Variants in SEPTIN5 observed in about 807,000 individuals in gnomAD.
The protein encoded by SEPTIN5 is septin-5.
In SEPTIN5, 16 loss-of-function variants were observed where a neutral mutation model predicts 51.2. The observed-to-expected ratio is 0.31, with a 90% confidence interval of 0.21 to 0.47. The LOEUF is 0.47. SEPTIN5 is among the 20% of genes least tolerant of loss of function. The pLI, the probability that SEPTIN5 is intolerant of heterozygous loss-of-function variation, is 0.99. For missense variants in SEPTIN5, 376 were observed against 500.3 expected (o/e 0.75, Z 2.37); for synonymous variants, 208 against 191.2 (o/e 1.09, Z -0.72).
Position 19,722,770 on chromosome 22 carries a change from CAA to C in SEPTIN5, c.*288_*289del. The stretch of plus-strand genomic sequence containing the variant: ...CCCGCCCCCGGACGGTCACAGCACC[CAA>C]ACCGCAGGCCCTGCTCTGGCAGGCA... On this transcript the variant is annotated 3_prime_UTR_variant, in exon 12 of 12. Coordinates refer to ENST00000455784, the MANE Select transcript of SEPTIN5 (RefSeq NM_002688.6). The C allele has an allele frequency of 1.9e-6, 1 of 537,932 alleles. No individual in the cohort carries two copies. The highest frequency in any genetic ancestry group is 3.4e-6 in the Non-Finnish European group (1 of 297,764). The allele number at this position is 537,932 out of a possible 1,614,324, so 33.3% of individuals were successfully genotyped here.
intron 10 of SEPTIN5, 44 bp downstream of exon 10, chr22:19,722,001 G>C: frequency 6.3e-7 from 1 of 1,575,762 alleles, no homozygotes; most frequent in Non-Finnish European, 8.6e-7. Flanking sequence ...CTCTGGCCCC[G>C]CCCACGTCTC....
chr22:19,717,919 A>AAC (rs112699881), intron 2 of SEPTIN5: 2,299 of 155,042 alleles, frequency 0.015, 44 homozygotes, highest in African/African-American at 0.053. Flanking sequence ...CGCACACACA[A>AAC]ACGCGCGCAC....
At position 19,720,372 on chromosome 22, in the gene SEPTIN5, G is replaced by A. The variant is rs529415900; in HGVS notation, c.415G>A (p.Asp139Asn). ...CCAGCAGTTTGAGCAGTACTTCCGTGATGAGAGCGGCCTCAACCGAAAGAA... is the reference window on the plus strand; with the variant it reads ...CCAGCAGTTTGAGCAGTACTTCCGTAATGAGAGCGGCCTCAACCGAAAGAA... ...VDQQFEQYFR[D>N]ESGLNRKNIQ... Residue 139 changes from aspartate to asparagine, a missense_variant, in exon 6 of 12, where the codon GAT becomes AAT. Transcript: ENST00000455784. 1 of 1,614,010 alleles carries A rather than the reference G, an allele frequency of 6.2e-7. No individual in the cohort carries two copies. Among genetic ancestry groups the A allele is most frequent in the East Asian group, 2.2e-5 (1 of 44,888 alleles).
At position 19,714,940 on chromosome 22, in the gene SEPTIN5, C is replaced by A; in HGVS notation, c.54+149C>A. ...TCACCGATTGTCAGCCGGGCAGTGC[C>A]GCCGCGCCTGGGGCTTCAGAGGAGA... On this transcript the variant is annotated intron_variant, in intron 2 of 11. Coordinates refer to ENST00000455784, the MANE Select transcript of SEPTIN5 (RefSeq NM_002688.6). This position sits in a 1 kb window ranked among gnomAD's most constrained non-coding sequence, Gnocchi z 5.2. 4 of 1,083,980 alleles carry A rather than the reference C, an allele frequency of 3.7e-6. No individual in the cohort carries two copies. The highest frequency in any genetic ancestry group is 5.1e-6 in the Non-Finnish European group (4 of 781,672). 67.1% of individuals were successfully genotyped at this position (1,083,980 alleles called of 1,614,324 possible).
At chr22:19,716,952 G>C (rs1935919307) in intron 2 of SEPTIN5, among the ~76,000 whole-genome samples, 1 of 152,196 alleles carries the variant, frequency 6.6e-6, no homozygotes, top group Admixed American at 6.5e-5. Context: ...ATGGAAGGCT[G>C]GGGCCAGTGA....
At chr22:19,721,526 G>A in intron 8 of SEPTIN5, 114 bp from the exon 9 acceptor site, 1 of 1,134,250 alleles carries the variant, frequency 8.8e-7, no homozygotes, top group South Asian at 1.4e-5. Context: ...TCTTTGAGGA[G>A]AGATAGTTGA....
At position 19,722,474 on chromosome 22, in the gene SEPTIN5, A is replaced by C; in HGVS notation, c.1100A>C (p.Gln367Pro). Reference protein sequence around the residue: ...EMLQRMKQQMQDQ With the variant: ...EMLQRMKQQMPDQ ...CTGCAGAGGATGAAGCAGCAGATGC[A>C]GGACCAGTGACGCTCGCCGCGGACA... The change falls in exon 12 of 12, where the codon CAG becomes CCG. Residue 367 changes from glutamine (Q) to proline (P), a missense_variant. Coordinates refer to ENST00000455784, the MANE Select transcript of SEPTIN5 (RefSeq NM_002688.6). The C allele has an allele frequency of 6.3e-7, 1 of 1,598,134 alleles. No homozygotes were observed. The highest frequency in any genetic ancestry group is 8.5e-7 in the Non-Finnish European group (1 of 1,172,704).
Position 19,719,210 on chromosome 22 carries a change from G to A in SEPTIN5, c.55-392G>A, listed in dbSNP as rs371154849. Among the ~76,000 whole-genome samples, 9 of 152,318 alleles carry A rather than the reference G, an allele frequency of 5.9e-5. No individual in the cohort carries two copies. In the East Asian group the frequency reaches 9.7e-4, roughly 16 times the overall value. On this transcript the variant is annotated intron_variant, in intron 2 of 11. Transcript: ENST00000455784. ...CTCCCGCCCCCTGGCACTCTCCGGAGGGGTGAGTGTCGAGGCCCCCAGCTT... is the reference window on the plus strand; with the variant it reads ...CTCCCGCCCCCTGGCACTCTCCGGAAGGGTGAGTGTCGAGGCCCCCAGCTT...
Position 19,714,513 on chromosome 22 carries a change from C to A in SEPTIN5, c.-76C>A. 1.8e-5 allele frequency: 19 copies of A among 1,059,126 alleles called. No individual in the cohort carries two copies. Among genetic ancestry groups the A allele is most frequent in the Non-Finnish European group, 2.1e-5 (18 of 839,290 alleles). The allele number at this position is 1,059,126 out of a possible 1,614,324, so 65.6% of individuals were successfully genotyped here. On this transcript the variant is annotated 5_prime_UTR_variant, in exon 1 of 12. Coordinates refer to ENST00000455784, the MANE Select transcript of SEPTIN5 (RefSeq NM_002688.6). This position sits in a 1 kb window ranked among gnomAD's most constrained non-coding sequence, Gnocchi z 5.2. Reference sequence around the variant, plus strand: ...GCGGAGGGGCCGCTCACCCCGCAGCCCGGCCTCGGCCTCCGCCGCTTGTCG... The same window carrying A: ...GCGGAGGGGCCGCTCACCCCGCAGCACGGCCTCGGCCTCCGCCGCTTGTCG...
In SEPTIN5 at chr22:19,720,133, T is replaced by C; in HGVS notation, c.257T>C (p.Val86Ala). The C allele has an allele frequency of 6.2e-7, 1 of 1,613,108 alleles. No individual in the cohort carries two copies. Among genetic ancestry groups the C allele is most frequent in the Non-Finnish European group, 8.5e-7 (1 of 1,179,972 alleles). ...LSAEERISQT[V>A]EILKHTVDIE... is the part of the protein sequence containing the mutation. ...CCCGTAGAGCGCATCAGCCAGACGG[T>C]AGAGATTCTAAAACACACGGTGGAC... is the stretch of plus-strand genomic sequence containing the variant. The change falls in exon 5 of 12, where the codon GTA becomes GCA. Residue 86 changes from valine (V) to alanine (A), a missense_variant. Physicochemically the swap from Val to Ala is moderately conservative, Grantham distance 64. This residue lies in a region of SEPTIN5 where 287 missense variants were observed against 417.1 expected (regional missense o/e 0.69). Coordinates refer to ENST00000455784, the MANE Select transcript of SEPTIN5 (RefSeq NM_002688.6).
At chr22:19,721,479 A>G (rs1411721051) in intron 8 of SEPTIN5, among the ~76,000 whole-genome samples, 161 bp from the exon 9 acceptor site, 1 of 152,164 alleles carries the variant, frequency 6.6e-6, no homozygotes, top group East Asian at 1.9e-4. Flanking sequence ...GGCTCCAGCC[A>G]GGGGCAGAGA....
intron 3 of SEPTIN5, 36 bp downstream of exon 3, chr22:19,719,734 G>A (rs756226895): frequency 2.5e-6 from 4 of 1,610,756 alleles, no homozygotes; most frequent in Non-Finnish European, 3.4e-6. Context: ...AGTGGCTGGG[G>A]TCACTGGCCA....
chr22:19,720,956 T>C, intron 8 of SEPTIN5, 87 bp downstream of exon 8: 1 of 1,218,404 alleles, frequency 8.2e-7, no homozygotes, highest in Non-Finnish European at 1.2e-6. Flanking sequence ...TTGAGCCTGC[T>C]GGAGGAGGGC....
intron 10 of SEPTIN5, 42 bp from the exon 11 acceptor site, chr22:19,722,195 C>A (rs770035533): frequency 7.1e-7 from 1 of 1,402,840 alleles, no homozygotes; most frequent in Admixed American, 2.2e-5. Flanking sequence ...CTGAGCCTCC[C>A]GGTGGCGCCG....
rs1376017399 is a variant in SEPTIN5 at position 19,720,117 on chromosome 22, C to T, written c.241C>T (p.Arg81Cys). ...KDRKLLSAEE[R>C]ISQTVEILKH... Reference sequence around the variant, plus strand: ...TTCCAGTGGCCCCTTCCCCGTAGAGCGCATCAGCCAGACGGTAGAGATTCT... The same window carrying T: ...TTCCAGTGGCCCCTTCCCCGTAGAGTGCATCAGCCAGACGGTAGAGATTCT... The change falls in exon 5 of 12, where the codon CGC becomes TGC. Residue 81 changes from arginine (R) to cysteine (C), a missense_variant and splice_region_variant. Transcript: ENST00000455784. The T allele has an allele frequency of 6.2e-6, 10 of 1,613,034 alleles. No homozygotes were observed. In the East Asian group the frequency reaches 6.7e-5, roughly 11 times the overall value.
rs1450968988 is a variant in SEPTIN5, at chr22:19,721,720, C to T, written c.798C>T (p.Pro266=). Residue 266 remains proline, a synonymous_variant, in exon 9 of 12, where the codon CCC becomes CCT. Transcript: ENST00000455784. The stretch of plus-strand genomic sequence containing the variant: ...AGCGGGTCCGGGGCCGACTGTACCC[C>T]TGGGGGATCGTGGAGGGTGAGTAGA... ...KGQRVRGRLY[P]WGIVEVENQA... 3.1e-6 allele frequency: 5 copies of T among 1,610,194 alleles called. No individual in the cohort carries two copies. The highest frequency in any genetic ancestry group is 4.2e-6 in the Non-Finnish European group (5 of 1,178,132).
In SEPTIN5 at chr22:19,714,503, A is replaced by C; in HGVS notation, c.-86A>C. ...CGGCGGCGGCGCGGAGGGGCCGCTC[A>C]CCCCGCAGCCCGGCCTCGGCCTCCG... On this transcript the variant is annotated 5_prime_UTR_variant, in exon 1 of 12. Coordinates refer to ENST00000455784, the MANE Select transcript of SEPTIN5 (RefSeq NM_002688.6). The surrounding 1 kb of genome is among the most constrained non-coding windows in gnomAD (Gnocchi z 5.2). 1 of 867,344 alleles carries C rather than the reference A, an allele frequency of 1.2e-6. No homozygotes were observed. Among genetic ancestry groups the C allele is most frequent in the Non-Finnish European group, 1.5e-6 (1 of 689,074 alleles). 53.7% of individuals were successfully genotyped at this position (867,344 alleles called of 1,614,324 possible).
chr22:19,720,977 C>T, intron 8 of SEPTIN5, 108 bp downstream of exon 8: 1 of 912,668 alleles, frequency 1.1e-6, no homozygotes, highest in African/African-American at 1.6e-5. Flanking sequence ...CAGGTCAGCC[C>T]AGTTGGGTGC....
At chr22:19,718,316 TCAGCCCTGCCCTCCG>T in intron 2 of SEPTIN5, 1 of 845,028 alleles carries the variant, frequency 1.2e-6, no homozygotes, top group Non-Finnish European at 1.4e-6. Context: ...GCGCCTCGGC[TCAGCCCTGCCCTCCG>T]CAGCCGCTTT....
Sources: allele counts gnomAD v4.1 joint callset (sites outside exome capture counted in the v4.1 genomes callset), GRCh38; gene constraint gnomAD v4.1.1; regional missense constraint gnomAD v4.1.1; non-coding constraint Gnocchi (gnomAD v3.1); transcripts MANE v1.5; gene names NCBI Gene and HGNC (gene_info 2026-07-23, HGNC 2026-07-21).